Variants in NBEAL1 observed in about 807,000 individuals in gnomAD.
NBEAL1 encodes the protein neurobeachin-like protein 1.
In NBEAL1, 273 loss-of-function variants were observed where a neutral mutation model predicts 351.3. The observed-to-expected ratio is 0.78, with a 90% CI of 0.70 to 0.86. The LOEUF (loss-of-function observed/expected upper bound fraction) is 0.86. Ranked by LOEUF, NBEAL1 falls within the 40% of genes least tolerant of loss-of-function variation. The pLI is 0.00. For missense variants in NBEAL1, 2,961 were observed against 3,201.3 expected (o/e 0.92, Z 1.81); for synonymous variants, 1,050 against 1,086.4 (o/e 0.97, Z 0.66).
intron 8 of NBEAL1, among the ~76,000 whole-genome samples, chr2:203,083,001 C>T (rs2061899388): frequency 1.3e-5 from 2 of 152,082 alleles, no homozygotes; most frequent in African/African-American, 4.8e-5. Flanking sequence ...ACATGGCTAC[C>T]CTTAGCCACA....
At chr2:203,111,708 T>G (rs1227520698) in intron 15 of NBEAL1, among the ~76,000 whole-genome samples, 5 of 152,352 alleles carry the variant, frequency 3.3e-5, no homozygotes, top group Admixed American at 2.0e-4. Context: ...TATAAAATGC[T>G]TCTCATTTTT....
At chr2:203,032,660 C>CTTTT (rs747309074) in intron 2 of NBEAL1, among the ~76,000 whole-genome samples, 37 of 70,152 alleles carry the variant, frequency 5.3e-4, no homozygotes, top group Middle Eastern at 0.016. Context: ...GAAATTGTAG[C>CTTTT]TTTTTTTTTT....
chr2:203,126,039 G>T lies in NBEAL1; in HGVS notation c.2931G>T (p.Gln977His). The T allele has an allele frequency of 6.5e-7, 1 of 1,543,790 alleles. No individual in the cohort carries two copies. Among genetic ancestry groups the T allele is most frequent in the East Asian group, 2.5e-5 (1 of 40,722 alleles). The change falls in exon 21 of 56, where the codon CAG becomes CAT. Residue 977 changes from glutamine (Q) to histidine (H), a missense_variant. Gln to His is a conservative substitution (Grantham distance 24, BLOSUM62 0). Transcript: ENST00000683969. ...TTATTCAGAGACATCCTATCAACCA[G>T]GGCAATCTTATTCACTCCCATGGAG... ...KHFIQRHPIN[Q>H]GNLIHSHGVA...
intron 7 of NBEAL1, among the ~76,000 whole-genome samples, chr2:203,076,589 C>CT (rs369481909): frequency 0.85 from 92,794 of 109,230 alleles, 41,382 homozygotes; most frequent in Non-Finnish European, 0.95. Flanking sequence ...GTACTATGTA[C>CT]TTTTTTTTTT....
intron 45 of NBEAL1, 84 bp from the exon 46 acceptor site, chr2:203,190,203 CACACA>C (rs2065029815): frequency 6.0e-6 from 3 of 501,360 alleles, no homozygotes; most frequent in South Asian, 5.6e-5. Context: ...CACACACACA[CACACA>C]CCAATGAGCC....
intron 2 of NBEAL1, among the ~76,000 whole-genome samples, chr2:203,021,148 G>A (rs1316767874): frequency 6.6e-6 from 1 of 152,010 alleles, no homozygotes; most frequent in Non-Finnish European, 1.5e-5. Context: ...GGCTGGTCTT[G>A]AACTCCTGTT....
chr2:203,040,439 G>A (rs1224646131), intron 2 of NBEAL1: 14 of 719,198 alleles, frequency 1.9e-5, no homozygotes, highest in Non-Finnish European at 3.1e-5. Flanking sequence ...GTAAGACTTC[G>A]CCTGAAGAAA....
chr2:203,136,972 G>A (rs2063228204), intron 29 of NBEAL1, among the ~76,000 whole-genome samples, 198 bp downstream of exon 29: 1 of 152,200 alleles, frequency 6.6e-6, no homozygotes. Flanking sequence ...ATTCCAGTAT[G>A]AGGAGGTTTA....
intron 45 of NBEAL1, among the ~76,000 whole-genome samples, chr2:203,189,782 TTTTTTGAATTACC>T (rs2065013329): frequency 1.3e-5 from 2 of 152,170 alleles, no homozygotes; most frequent in Admixed American, 1.3e-4. Context: ...CGTTGCTGAT[TTTTTTGAATTACC>T]TTTTCACAAT....
rs189015208 is a variant in NBEAL1, at chr2:203,119,095, G to A, written c.2592+3025G>A. On this transcript the variant is annotated intron_variant, in intron 18 of 55. Transcript: ENST00000683969. ...CAATAAAACAGATTACTGAAGGAAT[G>A]TTTCTGCAAAATGGTGCTATGTCAT... Among the ~76,000 whole-genome samples the A allele has an allele frequency of 4.0e-5, 6 of 151,612 alleles. No homozygotes were observed. In the East Asian group the frequency reaches 1.2e-3, roughly 29 times the overall value.
intron 19 of NBEAL1, among the ~76,000 whole-genome samples, chr2:203,124,489 CTA>C (rs1487896613): frequency 4.6e-5 from 7 of 152,114 alleles, no homozygotes; most frequent in African/African-American, 9.7e-5. Flanking sequence ...CACAAAGTAA[CTA>C]TGTGAAATGA....
At chr2:203,017,975 C>A (rs1947984) in intron 2 of NBEAL1, among the ~76,000 whole-genome samples, 137,028 of 152,124 alleles carry the variant, frequency 0.9, 62,168 homozygotes, top group Non-Finnish European at 0.95. Context: ...GTGCTTAATA[C>A]GATTTAAAAT....
chr2:203,204,851 A>G (rs1230545171), intron 51 of NBEAL1, among the ~76,000 whole-genome samples: 1 of 152,132 alleles, frequency 6.6e-6, no homozygotes, highest in Non-Finnish European at 1.5e-5. Context: ...TTTCTGTACA[A>G]TTATATCGAA....
rs1559372339 is a variant in NBEAL1, at chr2:203,110,149, G to GT, written c.1956dup (p.Thr653TyrfsTer8). 5 of 1,540,634 alleles carry GT rather than the reference G, an allele frequency of 3.2e-6. No homozygotes were observed. The highest frequency in any genetic ancestry group is 2.5e-5 in the East Asian group (1 of 40,804). On this transcript the variant is annotated frameshift_variant and splice_region_variant. Transcript: ENST00000683969. LOFTEE classifies it high-confidence loss of function. Reference sequence around the variant, plus strand: ...GTTCTGATAATACGTATTTTTTTTAGTTTTTTTACAGGAAGTGGCATGGGT... The same window carrying GT: ...GTTCTGATAATACGTATTTTTTTTAGTTTTTTTTACAGGAAGTGGCATGGGT...
chr2:203,058,842 A>G (rs1344215418), intron 6 of NBEAL1, among the ~76,000 whole-genome samples: 1 of 152,202 alleles, frequency 6.6e-6, no homozygotes, highest in African/African-American at 2.4e-5. Flanking sequence ...GTGGGTTGGT[A>G]GCTTAGTGAC....
At chr2:203,150,789 ATC>A (rs1362684778) in intron 34 of NBEAL1, among the ~76,000 whole-genome samples, 1 of 152,186 alleles carries the variant, frequency 6.6e-6, no homozygotes, top group African/African-American at 2.4e-5. Context: ...TATTGGAAAT[ATC>A]AACCATCTGT....
chr2:203,110,767 CTTT>C (rs71034215), intron 15 of NBEAL1, among the ~76,000 whole-genome samples: 1 of 106,730 alleles, frequency 9.4e-6, no homozygotes, highest in African/African-American at 3.7e-5. Context: ...TTTCTTTTTT[CTTT>C]TTTTTTTTTT....
At chr2:203,027,944 C>T (rs889983409) in intron 2 of NBEAL1, among the ~76,000 whole-genome samples, 3 of 151,814 alleles carry the variant, frequency 2.0e-5, no homozygotes, top group Non-Finnish European at 2.9e-5. Context: ...AGTGCAGTGG[C>T]GTGATCTTGG....
In NBEAL1 at chr2:203,116,807, A is replaced by AG. The variant is rs370789701; in HGVS notation, c.2592+745dup. 4.6e-3 allele frequency among the ~76,000 whole-genome samples: 676 copies of AG among 145,944 alleles called. 2 individuals are homozygous for AG. Among genetic ancestry groups the AG allele is most frequent in the Non-Finnish European group, 7.6e-3 (507 of 67,028 alleles). Reference sequence around the variant, plus strand: ...CCTGTCTCAAAAAAAAAAAAAAAAAAGGGGGGGGCCCAGCACAGTGGCTGT... The same window carrying AG: ...CCTGTCTCAAAAAAAAAAAAAAAAAAGGGGGGGGGCCCAGCACAGTGGCTGT... On this transcript the variant is annotated intron_variant, in intron 18 of 55. Transcript: ENST00000683969.
Sources: allele counts gnomAD v4.1 joint callset (sites outside exome capture counted in the v4.1 genomes callset), GRCh38; gene constraint gnomAD v4.1.1; transcripts MANE v1.5; gene names NCBI Gene and HGNC (gene_info 2026-07-23, HGNC 2026-07-21).